DACH2: variants seen among roughly 807,000 people sequenced by gnomAD.
DACH2 encodes dachshund homolog 2.
In DACH2, 17 loss-of-function variants were observed where a neutral mutation model predicts 35.8. That is an observed-to-expected ratio of 0.48 (90% CI 0.33 to 0.71). The LOEUF is 0.71. Among genes scored for constraint, DACH2 ranks in the 30% least tolerant of loss-of-function variants. DACH2 has a pLI of 0.02. For missense variants in DACH2, 469 were observed against 472.7 expected (o/e 0.99, Z 0.07); for synonymous variants, 195 against 177.3 (o/e 1.10, Z -0.79).
At chrX:86,508,982 TATTATA>T (rs931389265) in intron 2 of DACH2, among the ~76,000 whole-genome samples, 3 of 111,675 alleles carry the variant, frequency 2.7e-5, no homozygotes, top group Admixed American at 9.6e-5. Context: ...TAATTCAATT[TATTATA>T]ATTATAAGAT....
Position 86,749,916 on chromosome X carries a change from ATTG to A in DACH2, c.1240+10037_1240+10039del, listed in dbSNP as rs778096598. Among the ~76,000 whole-genome samples, 8 of 111,266 alleles carry A rather than the reference ATTG, an allele frequency of 7.2e-5. No individual in the cohort carries two copies. In the South Asian group the frequency reaches 3.0e-3, roughly 42 times the overall value. On this transcript the variant is annotated intron_variant, in intron 7 of 11. Coordinates refer to ENST00000373125, the MANE Select transcript of DACH2 (RefSeq NM_053281.3). ...ATAGAAATATAATTAATTTTTCTATATTGTTCTTATATTCTTCAACTTTATTAA... is the reference window on the plus strand; with the variant it reads ...ATAGAAATATAATTAATTTTTCTATATTCTTATATTCTTCAACTTTATTAA...
At chrX:86,267,229 A>G (rs375293934) in intron 1 of DACH2, among the ~76,000 whole-genome samples, 49 of 111,096 alleles carry the variant, frequency 4.4e-4, no homozygotes, top group East Asian at 3.6e-3. Flanking sequence ...AGTGCTAGAA[A>G]ATAGAGATCA....
intron 3 of DACH2, among the ~76,000 whole-genome samples, chrX:86,540,646 GTT>G (rs1243325000): frequency 1.8e-5 from 2 of 111,950 alleles, no homozygotes; most frequent in African/African-American, 3.2e-5. Flanking sequence ...CACAGGAAGA[GTT>G]ATTTATTTAT....
At chrX:86,463,045 A>T (rs754880755) in intron 2 of DACH2, among the ~76,000 whole-genome samples, 5 of 111,663 alleles carry the variant, frequency 4.5e-5, no homozygotes, top group African/African-American at 1.6e-4. Context: ...TGAGCATAAT[A>T]TAAATTGAAA....
chrX:86,466,451 C>A (rs2037670130), intron 2 of DACH2, among the ~76,000 whole-genome samples: 1 of 110,298 alleles, frequency 9.1e-6, no homozygotes, highest in Admixed American at 9.7e-5. Flanking sequence ...CAAACCATAT[C>A]ATTCTGCCCC....
rs143533771 is a variant in DACH2, at chrX:86,148,796, G to A, written c.176G>A (p.Gly59Asp). Residue 59 changes from glycine (G) to aspartate (D), a missense_variant, in exon 1 of 12, where the codon GGC becomes GAC. This residue lies in a region of DACH2 where 99 missense variants were observed against 114.3 expected (regional missense o/e 0.87). Coordinates refer to ENST00000373125, the MANE Select transcript of DACH2 (RefSeq NM_053281.3). Reference sequence around the variant, plus strand: ...CACAGCAACAGTGCCGGAGGCGGCGGCAGGGGCAACACCAACACCAACGAG... The same window carrying A: ...CACAGCAACAGTGCCGGAGGCGGCGACAGGGGCAACACCAACACCAACGAG... Reference protein sequence around the residue: ...NNHSNSAGGGGRGNTNTNECR... With the variant: ...NNHSNSAGGGDRGNTNTNECR... The A allele has an allele frequency of 9.6e-4, 1,167 of 1,209,554 alleles. No individual in the cohort carries two copies. Among genetic ancestry groups the A allele is most frequent in the Non-Finnish European group, 1.3e-3 (1,121 of 895,176 alleles).
At chrX:86,724,079 C>A (rs183225858) in intron 6 of DACH2, among the ~76,000 whole-genome samples, 4 of 111,428 alleles carry the variant, frequency 3.6e-5, no homozygotes, top group South Asian at 3.7e-4. Flanking sequence ...CCATCTATGT[C>A]TTAAGTGTAG....
intron 4 of DACH2, among the ~76,000 whole-genome samples, chrX:86,694,577 A>C (rs958571592): frequency 8.9e-6 from 1 of 112,347 alleles, no homozygotes; most frequent in African/African-American, 3.2e-5. Context: ...CTGAGAAGAA[A>C]AGATCATTTT....
chrX:86,765,608 A>G (rs1482097092), intron 7 of DACH2, among the ~76,000 whole-genome samples: 1 of 108,153 alleles, frequency 9.2e-6, no homozygotes, highest in African/African-American at 3.4e-5. Context: ...TTTTGTGCCA[A>G]TACCATGGTG....
chrX:86,254,803 T>TAGAGAGAGAG (rs1191986026), intron 1 of DACH2, among the ~76,000 whole-genome samples: 3 of 65,164 alleles, frequency 4.6e-5, no homozygotes, highest in African/African-American at 2.6e-4. Context: ...TATATATATA[T>TAGAGAGAGAG]ATATAGAGAG....
chrX:86,613,501 A>AT (rs745339592), intron 3 of DACH2, among the ~76,000 whole-genome samples: 1 of 111,736 alleles, frequency 8.9e-6, no homozygotes, highest in East Asian at 2.8e-4. Context: ...CCAATTATAA[A>AT]TTTTTTTGGT....
chrX:86,596,385 C>T (rs189768535), intron 3 of DACH2, among the ~76,000 whole-genome samples: 17 of 110,740 alleles, frequency 1.5e-4, no homozygotes, highest in Admixed American at 1.4e-3. Context: ...TCTTTTCAAA[C>T]GCGTATTTTC....
chrX:86,215,941 A>G (rs2032560758), intron 1 of DACH2, among the ~76,000 whole-genome samples: 1 of 112,410 alleles, frequency 8.9e-6, no homozygotes, highest in Admixed American at 9.4e-5. Flanking sequence ...ACATGGATCT[A>G]CATTCTATAC....
chrX:86,719,776 T>C (rs192746309), intron 6 of DACH2, among the ~76,000 whole-genome samples: 42 of 110,118 alleles, frequency 3.8e-4, no homozygotes, highest in African/African-American at 1.3e-3. Context: ...TTCCTTGACA[T>C]GTGGGGATTA....
chrX:86,239,164 A>G (rs1396226925), intron 1 of DACH2, among the ~76,000 whole-genome samples: 1 of 112,174 alleles, frequency 8.9e-6, no homozygotes, highest in African/African-American at 3.2e-5. Flanking sequence ...GGGATAAAGC[A>G]TTCATAGTTT....
At chrX:86,261,940 G>A (rs2033633593) in intron 1 of DACH2, among the ~76,000 whole-genome samples, 1 of 110,564 alleles carries the variant, frequency 9.0e-6, no homozygotes, top group Non-Finnish European at 1.9e-5. Flanking sequence ...TTTAATGAAT[G>A]AACAGGTAGG....
intron 2 of DACH2, among the ~76,000 whole-genome samples, chrX:86,456,012 T>A (rs2037468466): frequency 8.9e-6 from 1 of 112,209 alleles, no homozygotes; most frequent in Non-Finnish European, 1.9e-5. Context: ...GTTGCAAAGA[T>A]CCTTGGGAGA....
intron 3 of DACH2, among the ~76,000 whole-genome samples, chrX:86,613,613 G>A (rs62593334): frequency 0.059 from 6,595 of 110,953 alleles, 181 homozygotes; most frequent in East Asian, 0.14. Flanking sequence ...TCAGTTCTTC[G>A]TTTTGCCTAC....
chrX:86,439,757 C>T (rs1376692138), intron 2 of DACH2, among the ~76,000 whole-genome samples: 1 of 111,427 alleles, frequency 9.0e-6, no homozygotes, highest in East Asian at 2.8e-4. Context: ...TTTGTGCCTT[C>T]AATGCTGTAA....
Sources: gnomAD v4.1 joint callset for allele counts (sites outside exome capture counted in the v4.1 genomes callset) on GRCh38, gnomAD v4.1.1 for gene constraint, gnomAD v4.1.1 regional missense constraint, MANE v1.5 for transcripts, NCBI Gene and HGNC (gene_info 2026-07-23, HGNC 2026-07-21) for gene names.